Variants in SAMMSON observed in about 807,000 individuals in gnomAD.
SAMMSON encodes the protein survival associated mitochondrial melanoma specific oncogenic non-coding RNA.
intron 8 of SAMMSON, among the ~76,000 whole-genome samples, chr3:70,354,815 CTCTG>C (rs1376817008): frequency 2.0e-5 from 3 of 152,190 alleles, no homozygotes; most frequent in Non-Finnish European, 1.5e-5. Context: ...CGTTCCTTCC[CTCTG>C]TCCTTCACTG....
At chr3:70,317,151 A>G (rs904342222) in intron 7 of SAMMSON, among the ~76,000 whole-genome samples, 2 of 151,928 alleles carry the variant, frequency 1.3e-5, no homozygotes, top group Non-Finnish European at 2.9e-5. Context: ...TTATTTTCAT[A>G]TATTTCACAT....
intron 4 of SAMMSON, among the ~76,000 whole-genome samples, chr3:70,093,775 A>G (rs995824132): frequency 6.6e-6 from 1 of 152,188 alleles, no homozygotes; most frequent in Non-Finnish European, 1.5e-5. Flanking sequence ...ACTGAGACTC[A>G]GAAATACTTC....
chr3:70,319,972 C>T (rs908195228), intron 7 of SAMMSON, among the ~76,000 whole-genome samples: 1 of 151,986 alleles, frequency 6.6e-6, no homozygotes, highest in Non-Finnish European at 1.5e-5. Context: ...TAGTAAATTT[C>T]AAGACTTATA....
chr3:70,023,082 C>G (rs1047394066), intron 3 of SAMMSON, among the ~76,000 whole-genome samples: 1 of 152,158 alleles, frequency 6.6e-6, no homozygotes, highest in African/African-American at 2.4e-5. Context: ...ATCTCATAAT[C>G]TCTGCTTTGA....
intron 3 of SAMMSON, among the ~76,000 whole-genome samples, chr3:70,043,812 AT>A (rs1281751643): frequency 2.6e-5 from 4 of 151,944 alleles, no homozygotes; most frequent in African/African-American, 9.7e-5. Context: ...TTTGATGTAG[AT>A]TTTTTTCCTT....
At chr3:70,224,831 C>A (rs561247728) in intron 4 of SAMMSON, among the ~76,000 whole-genome samples, 13 of 152,060 alleles carry the variant, frequency 8.5e-5, no homozygotes, top group Admixed American at 7.2e-4. Context: ...GTTTCCCCCC[C>A]CACACCTCAC....
chr3:70,202,686 A>G (rs1282827502), intron 4 of SAMMSON, among the ~76,000 whole-genome samples: 2 of 152,154 alleles, frequency 1.3e-5, no homozygotes, highest in African/African-American at 4.8e-5. Context: ...GCAAAAAGCC[A>G]TGACAAAAAC....
intron 6 of SAMMSON, among the ~76,000 whole-genome samples, chr3:70,283,435 T>A (rs1702109201): frequency 6.6e-6 from 1 of 152,116 alleles, no homozygotes; most frequent in South Asian, 2.1e-4. Context: ...TACTGTAGAA[T>A]TGTTCAAAGA....
chr3:70,100,629 A>G (rs1025082075), intron 4 of SAMMSON, among the ~76,000 whole-genome samples: 3 of 152,176 alleles, frequency 2.0e-5, no homozygotes, highest in African/African-American at 4.8e-5. Flanking sequence ...GAACTCATCG[A>G]AGAACTTCCA....
intron 6 of SAMMSON, among the ~76,000 whole-genome samples, chr3:70,288,189 G>A (rs1385098137): frequency 7.2e-6 from 1 of 138,798 alleles, no homozygotes; most frequent in African/African-American, 2.8e-5. Flanking sequence ...TTCTCTTGTG[G>A]GCATTTAGTG....
chr3:70,147,481 G>A (rs965749596), intron 4 of SAMMSON, among the ~76,000 whole-genome samples: 1 of 151,996 alleles, frequency 6.6e-6, no homozygotes, highest in African/African-American at 2.4e-5. Context: ...TAGATGACTG[G>A]AATATAGTCC....
At chr3:70,341,586 G>T (rs1449787085) in intron 7 of SAMMSON, among the ~76,000 whole-genome samples, 1 of 152,100 alleles carries the variant, frequency 6.6e-6, no homozygotes, top group Non-Finnish European at 1.5e-5. Context: ...CTGATAGGGA[G>T]TATTTTCCTT....
chr3:70,212,063 G>A (rs970939124), intron 4 of SAMMSON, among the ~76,000 whole-genome samples: 6 of 151,876 alleles, frequency 4.0e-5, no homozygotes, highest in Non-Finnish European at 7.4e-5. Context: ...CTTGAAGGCC[G>A]TATTTGTCCA....
intron 4 of SAMMSON, chr3:70,137,804 T>G (rs2067512177): frequency 6.6e-6 from 1 of 152,226 alleles, no homozygotes; most frequent in Non-Finnish European, 1.5e-5. Flanking sequence ...ACACTTATTT[T>G]TTACCATAAG....
At chr3:70,148,661 G>A (rs13094051) in intron 4 of SAMMSON, among the ~76,000 whole-genome samples, 5,300 of 152,024 alleles carry the variant, frequency 0.035, 188 homozygotes, top group East Asian at 0.19. Flanking sequence ...AGACAGAGAA[G>A]GGATAGGTAC....
chr3:70,320,761 T>C (rs1702533292), intron 7 of SAMMSON, among the ~76,000 whole-genome samples: 1 of 152,084 alleles, frequency 6.6e-6, no homozygotes, highest in Non-Finnish European at 1.5e-5. Flanking sequence ...AAATTTGGAA[T>C]TGGGATGCAA....
At chr3:70,156,416 C>T (rs1301059540) in intron 4 of SAMMSON, among the ~76,000 whole-genome samples, 1 of 152,004 alleles carries the variant, frequency 6.6e-6, no homozygotes, top group Non-Finnish European at 1.5e-5. Context: ...CACACACAGT[C>T]AGTGTTCAGG....
rs1257617470 is a variant in SAMMSON, at chr3:70,285,736, T to G, written n.675-5443T>G. Among the ~76,000 whole-genome samples the G allele has an allele frequency of 3.5e-3, 532 of 151,774 alleles. 2 individuals are homozygous for G. The highest frequency in any genetic ancestry group is 0.012 in the African/African-American group (513 of 41,382). On this transcript the variant is annotated intron_variant and non_coding_transcript_variant, in intron 6 of 9. Coordinates refer to ENST00000642114, the Ensembl canonical transcript of SAMMSON. ...CAGCACCTGTTGTTTCCTGACTTTT[T>G]AATGATTGCCATTCTAACTGGTGTG... is the stretch of plus-strand genomic sequence containing the variant.
chr3:70,414,835 G>T (rs924189780), intron 2 of SAMMSON, among the ~76,000 whole-genome samples: 5 of 152,070 alleles, frequency 3.3e-5, no homozygotes, highest in Non-Finnish European at 5.9e-5. Context: ...CATTTAAATT[G>T]AAGTCTATGA....
Sources: gnomAD v4.1 joint callset for allele counts (sites outside exome capture counted in the v4.1 genomes callset) on GRCh38, gnomAD v4.1.1 for gene constraint, MANE v1.5 for transcripts, NCBI Gene and HGNC (gene_info 2026-07-23, HGNC 2026-07-21) for gene names.